The following ROBO1 variants were observed in gnomAD, a reference collection of about 807,000 sequenced individuals.
The protein encoded by ROBO1 is roundabout homolog 1.
A neutral mutation model predicts 195.9 loss-of-function variants in ROBO1; 149 were observed. That is an observed-to-expected ratio of 0.76 (90% CI 0.67 to 0.87). The LOEUF (loss-of-function observed/expected upper bound fraction) is 0.87. Ranked by LOEUF, ROBO1 falls within the 40% of genes least tolerant of loss-of-function variation. The probability of loss-of-function intolerance (pLI) is 0.00; values close to 1 mark genes in which losing one functional copy is unlikely to be tolerated. For missense variants in ROBO1, 1,933 were observed against 2,068.3 expected (o/e 0.93, Z 1.27); for synonymous variants, 816 against 733.2 (o/e 1.11, Z -1.82).
intron 1 of ROBO1, among the ~76,000 whole-genome samples, chr3:79,594,223 A>G (rs984617944): frequency 6.6e-6 from 1 of 152,060 alleles, no homozygotes. Context: ...CATATTATCA[A>G]TAAGATAATT....
chr3:78,722,626 T>A (rs947154863), intron 5 of ROBO1, among the ~76,000 whole-genome samples: 11 of 152,158 alleles, frequency 7.2e-5, no homozygotes, highest in Non-Finnish European at 1.2e-4. Context: ...ACTCAAGGTA[T>A]TCTTTACCAA....
intron 3 of ROBO1, among the ~76,000 whole-genome samples, chr3:78,950,015 G>A (rs1486463547): frequency 1.3e-5 from 2 of 152,098 alleles, no homozygotes; most frequent in African/African-American, 2.4e-5. Context: ...GAAACAACAG[G>A]TGCTGGAGAG....
intron 26 of ROBO1, among the ~76,000 whole-genome samples, chr3:78,619,235 C>T (rs1409945864): frequency 6.6e-6 from 1 of 151,996 alleles, no homozygotes; most frequent in Non-Finnish European, 1.5e-5. Flanking sequence ...AGATTCTACA[C>T]AAGCTGCCAA....
chr3:78,607,087 T>C lies in ROBO1; in HGVS notation c.4436-46A>G, dbSNP rs1213916076. 2.6e-6 allele frequency: 4 copies of C among 1,524,972 alleles called. No individual in the cohort carries two copies. The South Asian group carries it at 3.7e-5, about 14-fold the overall frequency. 94.5% of individuals were successfully genotyped at this position (1,524,972 alleles called of 1,614,324 possible). ...TACTACTGTAAAAGTCTGCTGCTTA[T>C]AAAATCATCAAACATTTGGATTATC... On this transcript the variant is annotated intron_variant, in intron 28 of 30. Coordinates refer to ENST00000464233, the MANE Select transcript of ROBO1 (RefSeq NM_002941.4).
At chr3:79,194,541 A>G (rs922278715) in intron 2 of ROBO1, among the ~76,000 whole-genome samples, 1 of 151,640 alleles carries the variant, frequency 6.6e-6, no homozygotes, top group Non-Finnish European at 1.5e-5. Flanking sequence ...CTGGCTTTCA[A>G]CCTTCAAGAG....
At chr3:79,055,083 C>T (rs1239396994) in intron 3 of ROBO1, among the ~76,000 whole-genome samples, 3 of 152,062 alleles carry the variant, frequency 2.0e-5, no homozygotes, top group Non-Finnish European at 4.4e-5. Context: ...GGTCACTGGC[C>T]CTTTACCTCA....
chr3:78,885,909 T>TTATATATATATATA lies in ROBO1; in HGVS notation c.499+52678_499+52691dup, dbSNP rs10651992. Among the ~76,000 whole-genome samples, 928 of 117,584 alleles carry TTATATATATATATA rather than the reference T, an allele frequency of 7.9e-3. 21 individuals carry two copies. The highest frequency in any genetic ancestry group is 0.025 in the African/African-American group (745 of 29,546). The allele number at this position is 117,584 out of a possible 152,430, so 77.1% of individuals were successfully genotyped here. A position where few individuals can be genotyped will look rare whatever the true frequency, so the allele number is the denominator to read the frequency against. ...AGACCCTACTACTGATAGCAAAATT[T>TTATATATATATATA]TATATATATATATATATATATATAT... On this transcript the variant is annotated intron_variant, in intron 4 of 30. Transcript: ENST00000464233.
rs559690143 is a variant in ROBO1, at chr3:79,572,509, T to C, written c.88+17315A>G. On this transcript the variant is annotated intron_variant, in intron 2 of 30. Coordinates refer to ENST00000464233, the MANE Select transcript of ROBO1 (RefSeq NM_002941.4). The stretch of plus-strand genomic sequence containing the variant: ...ATATATATATAATAAACATGTATTG[T>C]CCATTTATAAAATTTTAGCTGAAAC... 1.4e-4 allele frequency among the ~76,000 whole-genome samples: 22 copies of C among 152,232 alleles called. 1 individual carries two copies. In the South Asian group the frequency reaches 4.3e-3, roughly 30 times the overall value.
intron 1 of ROBO1, among the ~76,000 whole-genome samples, chr3:79,755,760 C>T (rs1427906193): frequency 2.6e-5 from 4 of 152,202 alleles, no homozygotes; most frequent in Admixed American, 6.5e-5. Context: ...TTGTACATAT[C>T]CTGCCCCCCA....
intron 2 of ROBO1, among the ~76,000 whole-genome samples, chr3:79,215,256 T>G (rs986606026): frequency 6.6e-6 from 1 of 152,150 alleles, no homozygotes; most frequent in East Asian, 1.9e-4. Flanking sequence ...TCTCTCATTA[T>G]GTGTAGAAAT....
chr3:79,208,735 G>A (rs1349915235), intron 2 of ROBO1, among the ~76,000 whole-genome samples: 2 of 151,470 alleles, frequency 1.3e-5, no homozygotes, highest in African/African-American at 4.9e-5. Flanking sequence ...CTGCATGCAT[G>A]TGTGTTGTGT....
At chr3:79,237,432 G>T (rs1162608451) in intron 2 of ROBO1, among the ~76,000 whole-genome samples, 13 of 150,930 alleles carry the variant, frequency 8.6e-5, no homozygotes, top group Admixed American at 8.6e-4. Context: ...AGTGAGCCGA[G>T]ATTGCACCAC....
chr3:78,608,020 T>TACACACACACACACACACACAC (rs56715450), intron 28 of ROBO1, among the ~76,000 whole-genome samples: 122 of 149,868 alleles, frequency 8.1e-4, no homozygotes, highest in African/African-American at 2.8e-3. Context: ...TAATTTCATT[T>TACACACACACACACACACACAC]ACACACACAC....
rs755731665 is a variant in ROBO1 at position 79,305,487 on chromosome 3, CAA to C, written c.89-179950_89-179949del. ...GGGTGACAAGAGGAAAACTCCATCT[CAA>C]AAAAAAAAAAAAAAAAAAAAGAATT... On this transcript the variant is annotated intron_variant, in intron 2 of 30. Transcript: ENST00000464233. Among the ~76,000 whole-genome samples the C allele has an allele frequency of 1.8e-3, 100 of 55,690 alleles. 1 individual carries two copies. Among genetic ancestry groups the C allele is most frequent in the African/African-American group, 2.2e-3 (35 of 16,002 alleles). The allele number at this position is 55,690 out of a possible 152,430, so 36.5% of individuals were successfully genotyped here. A position where few individuals can be genotyped will look rare whatever the true frequency, so the allele number is the denominator to read the frequency against.
intron 1 of ROBO1, among the ~76,000 whole-genome samples, chr3:79,618,471 A>G (rs904595832): frequency 1.2e-4 from 19 of 152,106 alleles, no homozygotes; most frequent in African/African-American, 4.1e-4. Context: ...TGACCTTGTG[A>G]CATTACTTCT....
At chr3:79,055,683 C>T (rs1237282828) in intron 3 of ROBO1, among the ~76,000 whole-genome samples, 1 of 152,016 alleles carries the variant, frequency 6.6e-6, no homozygotes. Flanking sequence ...TGATGGAAAA[C>T]ATGGAGTTTG....
intron 11 of ROBO1, among the ~76,000 whole-genome samples, chr3:78,669,408 G>C (rs1228978985): frequency 6.6e-6 from 1 of 152,084 alleles, no homozygotes; most frequent in Non-Finnish European, 1.5e-5. Flanking sequence ...CCCACACTAG[G>C]AGATAAAGCA....
At chr3:78,900,249 G>A (rs1239129705) in intron 4 of ROBO1, among the ~76,000 whole-genome samples, 2 of 152,060 alleles carry the variant, frequency 1.3e-5, no homozygotes, top group Non-Finnish European at 2.9e-5. Flanking sequence ...TTTGCCAGGG[G>A]AATTCTTAAT....
chr3:79,120,987 G>C (rs2080106148), intron 3 of ROBO1, among the ~76,000 whole-genome samples: 1 of 152,106 alleles, frequency 6.6e-6, no homozygotes, highest in Admixed American at 6.6e-5. Context: ...CCCAAATGTA[G>C]CTTATAGACA....
Sources: gnomAD v4.1 joint callset for allele counts (sites outside exome capture counted in the v4.1 genomes callset) on GRCh38, gnomAD v4.1.1 for gene constraint, MANE v1.5 for transcripts, NCBI Gene and HGNC (gene_info 2026-07-23, HGNC 2026-07-21) for gene names.